TRAPPC9: variants seen among roughly 807,000 people sequenced by gnomAD.
TRAPPC9 encodes the protein IKK2 binding protein.
TRAPPC9 carries 83 observed loss-of-function variants against 124.0 expected under a neutral mutation model. The ratio of observed to expected loss-of-function variants is 0.67; its 90% CI spans 0.56 to 0.80. TRAPPC9 has a LOEUF of 0.80. Ranked by LOEUF, TRAPPC9 falls within the 30% of genes least tolerant of loss-of-function variation. TRAPPC9 has a pLI of 0.00. For missense variants in TRAPPC9, 1,302 were observed against 1,508.3 expected (o/e 0.86, Z 2.27); for synonymous variants, 638 against 617.5 (o/e 1.03, Z -0.49).
At chr8:140,155,922 G>C (rs2130853939) in intron 17 of TRAPPC9, among the ~76,000 whole-genome samples, 2 of 152,268 alleles carry the variant, frequency 1.3e-5, no homozygotes, top group South Asian at 4.2e-4. Flanking sequence ...AACTTGCTTG[G>C]GGAGGCATAA....
intron 20 of TRAPPC9, among the ~76,000 whole-genome samples, chr8:139,903,410 A>G (rs185692971): frequency 2.7e-4 from 41 of 152,176 alleles, no homozygotes; most frequent in African/African-American, 9.6e-4. Flanking sequence ...CAAACTGCGC[A>G]CCCAATTCTT....
At chr8:139,755,070 C>G (rs1018233036) in intron 21 of TRAPPC9, among the ~76,000 whole-genome samples, 1 of 152,240 alleles carries the variant, frequency 6.6e-6, no homozygotes, top group African/African-American at 2.4e-5. Context: ...CCTCGGCCAG[C>G]CTTGAGGTCA....
intron 19 of TRAPPC9, among the ~76,000 whole-genome samples, chr8:139,982,792 C>T (rs1474839148): frequency 6.6e-6 from 1 of 152,142 alleles, no homozygotes. Flanking sequence ...AACAAGATCT[C>T]GCTAAGAAAT....
At chr8:140,141,728 A>C (rs542962215) in intron 17 of TRAPPC9, among the ~76,000 whole-genome samples, 1 of 152,194 alleles carries the variant, frequency 6.6e-6, no homozygotes, top group African/African-American at 2.4e-5. Context: ...GGAACAACAG[A>C]TCTTAAGGGA....
intron 9 of TRAPPC9, among the ~76,000 whole-genome samples, chr8:140,326,333 G>T (rs1421118206): frequency 6.6e-6 from 1 of 152,076 alleles, no homozygotes; most frequent in Admixed American, 6.5e-5. Flanking sequence ...TCTGCCTTGT[G>T]CTCCGCTCTG....
intron 5 of TRAPPC9, among the ~76,000 whole-genome samples, chr8:140,425,046 G>T (rs1473839320): frequency 1.3e-5 from 2 of 152,168 alleles, no homozygotes; most frequent in African/African-American, 4.8e-5. Context: ...AAATTGCATT[G>T]CTCCTAGGAG....
At chr8:140,260,657 A>G (rs549687200) in intron 15 of TRAPPC9, among the ~76,000 whole-genome samples, 127 of 152,334 alleles carry the variant, frequency 8.3e-4, no homozygotes, top group Non-Finnish European at 1.4e-3. Flanking sequence ...TAACTGAAAC[A>G]ACCATCTATT....
chr8:140,200,520 C>A lies in TRAPPC9; in HGVS notation c.2556+20939G>T, dbSNP rs1474030041. On this transcript the variant is annotated intron_variant, in intron 17 of 22. Coordinates refer to ENST00000438773, the MANE Select transcript of TRAPPC9 (RefSeq NM_001160372.4). Reference sequence around the variant, plus strand: ...GGCCAGGCGATCAAGGTCAACATCACCAACAAGTCAGGTGGGCACCCCTGC... The same window carrying A: ...GGCCAGGCGATCAAGGTCAACATCAACAACAAGTCAGGTGGGCACCCCTGC... Among the ~76,000 whole-genome samples the A allele has an allele frequency of 2.6e-5, 4 of 152,094 alleles. No homozygotes were observed. In the South Asian group the frequency reaches 6.2e-4, roughly 24 times the overall value.
chr8:139,755,088 G>A (rs951614484), intron 21 of TRAPPC9, among the ~76,000 whole-genome samples: 3 of 152,248 alleles, frequency 2.0e-5, no homozygotes, highest in Non-Finnish European at 4.4e-5. Context: ...TCACCTGAGA[G>A]GTCGTTGTAA....
chr8:140,011,763 T>C (rs2131850762), intron 18 of TRAPPC9, among the ~76,000 whole-genome samples: 2 of 148,338 alleles, frequency 1.3e-5, no homozygotes, highest in Middle Eastern at 3.5e-3. Flanking sequence ...CTGCAACCTC[T>C]GCCTCCTGGG....
intron 17 of TRAPPC9, among the ~76,000 whole-genome samples, chr8:140,033,660 T>TATTTG (rs1840657996): frequency 4.6e-5 from 1 of 21,686 alleles, no homozygotes; most frequent in Non-Finnish European, 8.1e-5. Flanking sequence ...ATAATGTGGT[T>TATTTG]TTTTTTTTTT....
At chr8:139,959,880 A>C (rs1396521588) in intron 19 of TRAPPC9, among the ~76,000 whole-genome samples, 1 of 152,208 alleles carries the variant, frequency 6.6e-6, no homozygotes, top group Non-Finnish European at 1.5e-5. Context: ...ACTGGCTCAG[A>C]CCACACAAGA....
chr8:140,449,157 C>G (rs2071371224), intron 2 of TRAPPC9, among the ~76,000 whole-genome samples: 1 of 152,188 alleles, frequency 6.6e-6, no homozygotes, highest in Non-Finnish European at 1.5e-5. Flanking sequence ...ATCATCTCTC[C>G]TCATACTTAC....
chr8:140,002,244 C>A (rs6994822), intron 18 of TRAPPC9, among the ~76,000 whole-genome samples: 30,122 of 151,382 alleles, frequency 0.2, 3,672 homozygotes, highest in African/African-American at 0.35. Flanking sequence ...AAAGCACTCA[C>A]CCATCAATAG....
intron 19 of TRAPPC9, among the ~76,000 whole-genome samples, chr8:139,982,049 T>C (rs115539894): frequency 0.011 from 1,636 of 152,338 alleles, 30 homozygotes; most frequent in African/African-American, 0.037. Flanking sequence ...GGTTTATGCA[T>C]ACATGAGGGT....
At chr8:139,733,974 A>G (rs996272896) in intron 21 of TRAPPC9, among the ~76,000 whole-genome samples, 2 of 152,214 alleles carry the variant, frequency 1.3e-5, no homozygotes, top group African/African-American at 4.8e-5. Flanking sequence ...CCTGGGTTCC[A>G]CTGCCCTCAC....
intron 20 of TRAPPC9, among the ~76,000 whole-genome samples, chr8:139,900,946 C>T (rs750631172): frequency 8.0e-5 from 12 of 150,878 alleles, no homozygotes; most frequent in Non-Finnish European, 1.3e-4. Flanking sequence ...AACCTGTAGA[C>T]CTGAGGTGTG....
intron 19 of TRAPPC9, among the ~76,000 whole-genome samples, chr8:139,917,327 C>T (rs1056205360): frequency 6.6e-6 from 1 of 151,772 alleles, no homozygotes; most frequent in Non-Finnish European, 1.5e-5. Flanking sequence ...ACTACACGCG[C>T]CTGCCACCAT....
chr8:140,222,123 C>T (rs1046906580), intron 16 of TRAPPC9, among the ~76,000 whole-genome samples: 6 of 152,144 alleles, frequency 3.9e-5, no homozygotes. Flanking sequence ...CTCTCCTGGG[C>T]CTCTGCTGAG....
Sources: gnomAD v4.1 joint callset for allele counts (sites outside exome capture counted in the v4.1 genomes callset) on GRCh38, gnomAD v4.1.1 for gene constraint, MANE v1.5 for transcripts, NCBI Gene and HGNC (gene_info 2026-07-23, HGNC 2026-07-21) for gene names.